Variants in THAP9 observed in about 807,000 individuals in gnomAD.
The protein encoded by THAP9 is THAP domain containing 9.
Under a neutral mutation model 35.7 loss-of-function variants are expected in THAP9, and 20 were observed. The ratio of observed to expected loss-of-function variants is 0.56; its 90% CI spans 0.39 to 0.81. The LOEUF (loss-of-function observed/expected upper bound fraction) is 0.81, where lower values mean the gene tolerates loss of function less well. Ranked by LOEUF, THAP9 falls within the 40% of genes least tolerant of loss-of-function variation. The pLI is 0.00. For synonymous variants in THAP9, 335 were observed against 373.7 expected (o/e 0.90, Z 1.19); for missense variants, 870 against 1,047.4 (o/e 0.83, Z 2.34).
At chr4:82,902,888 G>A (rs1720484758) in intron 1 of THAP9, among the ~76,000 whole-genome samples, 1 of 152,186 alleles carries the variant, frequency 6.6e-6, no homozygotes, top group South Asian at 2.1e-4. Context: ...CTACAGCCCT[G>A]TGAGGAAGTT....
chr4:82,906,379 C>G lies in THAP9; in HGVS notation c.332C>G (p.Pro111Arg), dbSNP rs371398597. 6.2e-7 allele frequency: 1 copy of G among 1,609,552 alleles called. No individual in the cohort carries two copies. Among genetic ancestry groups the G allele is most frequent in the African/African-American group, 1.3e-5 (1 of 74,724 alleles). ...GCAAGACAAAAAATCCTAAAACAAC[C>G]TCTTCCAGACAATTCTCAAGAAGTT... is the stretch of plus-strand genomic sequence containing the variant. ...GKARQKILKQ[P>R]LPDNSQEVAT... is the part of the protein sequence containing the mutation. The change falls in exon 3 of 5, where the codon CCT becomes CGT. Residue 111 changes from proline to arginine, a missense_variant. Coordinates refer to ENST00000302236, the MANE Select transcript of THAP9 (RefSeq NM_024672.6).
chr4:82,908,400 G>A (rs979544733), intron 4 of THAP9, among the ~76,000 whole-genome samples: 8 of 152,126 alleles, frequency 5.3e-5, no homozygotes, highest in Non-Finnish European at 1.2e-4. Flanking sequence ...TTTTTCATAA[G>A]CACTGCAGTT....
chr4:82,915,703 C>A (rs1383941217), intron 4 of THAP9, among the ~76,000 whole-genome samples: 1 of 152,068 alleles, frequency 6.6e-6, no homozygotes, highest in African/African-American at 2.4e-5. Flanking sequence ...AGGACACCCC[C>A]AACTTGTGCC....
intron 2 of THAP9, chr4:82,906,043 C>T (rs536705047): frequency 7.2e-6 from 3 of 418,428 alleles, no homozygotes; most frequent in South Asian, 5.8e-5. Flanking sequence ...GCTTAAAACT[C>T]ACTTCCATGA....
chr4:82,904,723 G>A lies in THAP9; in HGVS notation c.81-13G>A, dbSNP rs928825490. 8 of 1,613,402 alleles carry A rather than the reference G, an allele frequency of 5.0e-6. No homozygotes were observed. Among genetic ancestry groups the A allele is most frequent in the Non-Finnish European group, 5.9e-6 (7 of 1,179,430 alleles). ...GTTTTCATGTTAATGGAACTTTAAT[G>A]TGATTGTCATAGATTTCCAACTGAT... On this transcript the variant is annotated splice_polypyrimidine_tract_variant and intron_variant, in intron 1 of 4. Coordinates refer to ENST00000302236, the MANE Select transcript of THAP9 (RefSeq NM_024672.6).
At position 82,918,596 on chromosome 4, in the gene THAP9, G is replaced by C; in HGVS notation, c.2384G>C (p.Arg795Thr). ...MAIFELVSKQ[R>T]ELYLQQKILC... ...ATTTTTGAACTAGTTTCTAAACAAA[G>C]GGAATTGTATCTTCAACAGAAAATA... is the stretch of plus-strand genomic sequence containing the variant. Residue 795 changes from arginine to threonine, a missense_variant, in exon 5 of 5, where the codon AGG becomes ACG. By Grantham distance (71) the Arg-to-Thr change is moderately conservative. This residue lies in a region of THAP9 where 414 missense variants were observed against 500.8 expected (regional missense o/e 0.83). Coordinates refer to ENST00000302236, the MANE Select transcript of THAP9 (RefSeq NM_024672.6). The C allele has an allele frequency of 6.2e-7, 1 of 1,614,082 alleles. No homozygotes were observed. The highest frequency in any genetic ancestry group is 8.5e-7 in the Non-Finnish European group (1 of 1,179,966).
Position 82,917,687 on chromosome 4 carries a change from A to G in THAP9, c.1475A>G (p.Tyr492Cys), listed in dbSNP as rs1560699454. The change falls in exon 5 of 5, where the codon TAT becomes TGT. Residue 492 changes from tyrosine to cysteine, a missense_variant. Tyr to Cys is a radical substitution (Grantham distance 194). Coordinates refer to ENST00000302236, the MANE Select transcript of THAP9 (RefSeq NM_024672.6). ...FSESVASALEYLLSLDLPPFQ... is the reference protein window; with the variant it reads ...FSESVASALECLLSLDLPPFQ... ...GAGAGTGTAGCCAGTGCATTAGAAT[A>G]TTTGTTATCCTTAGACCTGCCACCT... The G allele has an allele frequency of 2.0e-5, 32 of 1,612,870 alleles. No individual in the cohort carries two copies. The highest frequency in any genetic ancestry group is 2.7e-5 in the Non-Finnish European group (32 of 1,179,302).
chr4:82,909,192 A>T (rs1419056261), intron 4 of THAP9, among the ~76,000 whole-genome samples: 1 of 152,172 alleles, frequency 6.6e-6, no homozygotes, highest in Non-Finnish European at 1.5e-5. Context: ...GACATGAGCC[A>T]CTGTGCCCAG....
At chr4:82,913,785 A>G (rs1560697139) in intron 4 of THAP9, among the ~76,000 whole-genome samples, 1 of 150,874 alleles carries the variant, frequency 6.6e-6, no homozygotes, top group Non-Finnish European at 1.5e-5. Context: ...ACTGGAGTGT[A>G]GAATGTAGTG....
At chr4:82,908,084 T>TA (rs3214860) in intron 4 of THAP9, 149 bp downstream of exon 4, 2 of 735,818 alleles carry the variant, frequency 2.7e-6, no homozygotes, top group African/African-American at 3.7e-5. Context: ...TACTCCCATT[T>TA]AAAAAAAGAA....
chr4:82,917,771 T>A lies in THAP9; in HGVS notation c.1559T>A (p.Ile520Asn), dbSNP rs1721090192. The change falls in exon 5 of 5, where the codon ATC becomes AAC. Residue 520 changes from isoleucine (I) to asparagine (N), a missense_variant. Ile to Asn is a moderately radical substitution (Grantham distance 149). This residue lies in a region of THAP9 where 414 missense variants were observed against 500.8 expected (regional missense o/e 0.83). Coordinates refer to ENST00000302236, the MANE Select transcript of THAP9 (RefSeq NM_024672.6). ...FLRLINNLFDIFNSRNCYGKG... is the reference protein window; with the variant it reads ...FLRLINNLFDNFNSRNCYGKG... ...CGTTTAATTAACAATCTGTTTGACA[T>A]CTTTAATAGTAGGAACTGTTATGGA... 2.5e-6 allele frequency: 4 copies of A among 1,613,922 alleles called. No individual in the cohort carries two copies. The African/African-American group carries it at 5.3e-5, about 22-fold the overall frequency.
chr4:82,901,248 A>G, intron 1 of THAP9: 1 of 495,598 alleles, frequency 2.0e-6, no homozygotes, highest in South Asian at 1.6e-5. Flanking sequence ...GAGCACGAGT[A>G]CAGATCAGTT....
At chr4:82,913,045 A>G (rs1413988896) in intron 4 of THAP9, among the ~76,000 whole-genome samples, 1 of 152,098 alleles carries the variant, frequency 6.6e-6, no homozygotes, top group Non-Finnish European at 1.5e-5. Context: ...TACTTTTTGT[A>G]TTGTTTTTTT....
chr4:82,917,009 G>A lies in THAP9; in HGVS notation c.797G>A (p.Arg266Lys). 2.3e-5 allele frequency: 36 copies of A among 1,573,412 alleles called. No homozygotes were observed. Among genetic ancestry groups the A allele is most frequent in the Non-Finnish European group, 3.1e-5 (36 of 1,162,544 alleles). Residue 266 changes from arginine (R) to lysine (K), a missense_variant, in exon 5 of 5, where the codon AGA becomes AAA. Coordinates refer to ENST00000302236, the MANE Select transcript of THAP9 (RefSeq NM_024672.6). ...NSNIFSFLQRRVENGDQLYQY... is the reference protein window; with the variant it reads ...NSNIFSFLQRKVENGDQLYQY... ...AACATTTTTTCTTTTCTTCAACGAA[G>A]AGTAGAGAATGGAGATCAGCTCTAT...
intron 4 of THAP9, among the ~76,000 whole-genome samples, chr4:82,916,635 T>C (rs1193024770): frequency 6.6e-6 from 1 of 152,242 alleles, no homozygotes; most frequent in Non-Finnish European, 1.5e-5. Context: ...GTAAGACTTG[T>C]TTATGATTTA....
chr4:82,904,262 A>T (rs1393334283), intron 1 of THAP9, among the ~76,000 whole-genome samples: 2 of 151,954 alleles, frequency 1.3e-5, no homozygotes, highest in Non-Finnish European at 2.9e-5. Context: ...ACGGGGTTTC[A>T]CCATGTTGTC....
chr4:82,905,344 T>C (rs923469606), intron 2 of THAP9, among the ~76,000 whole-genome samples: 1 of 152,314 alleles, frequency 6.6e-6, no homozygotes. Flanking sequence ...ACAGGAAGTA[T>C]GTGGGAAATA....
intron 1 of THAP9, 30 bp downstream of exon 1, chr4:82,900,912 G>C (rs759153203): frequency 5.6e-6 from 9 of 1,610,998 alleles, no homozygotes; most frequent in South Asian, 3.3e-5. Flanking sequence ...CGAAGCCTTC[G>C]AACTCCCTGC....
Position 82,919,140 on chromosome 4 carries a change from G to T in THAP9, c.*216G>T, listed in dbSNP as rs997041377. On this transcript the variant is annotated 3_prime_UTR_variant, in exon 5 of 5. Coordinates refer to ENST00000302236, the MANE Select transcript of THAP9 (RefSeq NM_024672.6). ...GTTTTCCAAAATATAGAAAGCAGTAGGTCAGTAGGAGCAAACTAGCCAACA... is the reference window on the plus strand; with the variant it reads ...GTTTTCCAAAATATAGAAAGCAGTATGTCAGTAGGAGCAAACTAGCCAACA... 1.9e-5 allele frequency: 8 copies of T among 417,122 alleles called. No individual in the cohort carries two copies. The highest frequency in any genetic ancestry group is 1.2e-4 in the African/African-American group (6 of 49,612). The allele number at this position is 417,122 out of a possible 1,614,324, so 25.8% of individuals were successfully genotyped here.
Sources: gnomAD v4.1 joint callset for allele counts (sites outside exome capture counted in the v4.1 genomes callset) on GRCh38, gnomAD v4.1.1 for gene constraint, gnomAD v4.1.1 regional missense constraint, MANE v1.5 for transcripts, NCBI Gene and HGNC (gene_info 2026-07-23, HGNC 2026-07-21) for gene names.